The following KPNA7 variants were observed in gnomAD, a reference collection of about 807,000 sequenced individuals.
KPNA7 encodes the protein karyopherin subunit alpha 7.
Under a neutral mutation model 53.7 loss-of-function variants are expected in KPNA7, and 54 were observed. That is an observed-to-expected ratio of 1.01 (90% CI 0.81 to 1.26). The LOEUF (loss-of-function observed/expected upper bound fraction) is 1.26. KPNA7 is among the 50% of genes most tolerant of loss of function. The pLI, the probability that KPNA7 is intolerant of heterozygous loss-of-function variation, is 0.00. For synonymous variants in KPNA7, 276 were observed against 259.3 expected (o/e 1.06, Z -0.62); for missense variants, 640 against 644.5 (o/e 0.99, Z 0.07).
the KPNA7 span, among the ~76,000 whole-genome samples, chr7:99,167,094 C>T: frequency 1.8e-4 from 28 of 152,334 alleles, no homozygotes; most frequent in Non-Finnish European, 3.2e-4. Flanking sequence ...CCTGATATGA[C>T]GCTCTCCAAC....
the KPNA7 span, among the ~76,000 whole-genome samples, chr7:99,160,930 G>A: frequency 6.7e-6 from 1 of 148,302 alleles, no homozygotes. Flanking sequence ...GCAGTCACAT[G>A]ATGTCAGCTC....
intron 7 of KPNA7, among the ~76,000 whole-genome samples, chr7:99,185,368 G>GA (rs1789527689): frequency 6.6e-6 from 1 of 152,110 alleles, no homozygotes; most frequent in Non-Finnish European, 1.5e-5. Context: ...TTTATAAAGA[G>GA]ACAGGGTCTT....
chr7:99,153,378 C>T, the KPNA7 span, among the ~76,000 whole-genome samples: 1 of 151,784 alleles, frequency 6.6e-6, no homozygotes, highest in Non-Finnish European at 1.5e-5. Context: ...GCCAACATGG[C>T]GAAACCCCAT....
At chr7:99,169,484 G>A (rs113283255), downstream of KPNA7, among the ~76,000 whole-genome samples, 2,010 of 151,936 alleles carry the variant, frequency 0.013, 52 homozygotes, top group African/African-American at 0.047. Context: ...GCCAGGCATG[G>A]TGGGGCACGC....
intron 2 of KPNA7, among the ~76,000 whole-genome samples, chr7:99,205,919 G>A (rs1017226793): frequency 3.3e-5 from 5 of 152,122 alleles, no homozygotes; most frequent in African/African-American, 1.2e-4. Flanking sequence ...AAGAAGCCGA[G>A]TGAATGTTAG....
intron 1 of KPNA7, among the ~76,000 whole-genome samples, chr7:99,218,259 C>T (rs894115268): frequency 2.0e-5 from 3 of 152,150 alleles, no homozygotes; most frequent in African/African-American, 7.2e-5. Context: ...GTAGCTAGGA[C>T]TACAGGTGCA....
intron 10 of KPNA7, among the ~76,000 whole-genome samples, chr7:99,175,678 C>T (rs1402074244): frequency 6.6e-6 from 1 of 151,716 alleles, no homozygotes; most frequent in Non-Finnish European, 1.5e-5. Context: ...CCACACCCAA[C>T]TAATTTTGTA....
chr7:99,188,950 G>A (rs975691093), intron 6 of KPNA7, among the ~76,000 whole-genome samples: 3 of 152,156 alleles, frequency 2.0e-5, no homozygotes, highest in Non-Finnish European at 4.4e-5. Context: ...CCAACGTGCT[G>A]GGATTACAGG....
chr7:99,209,039 C>G (rs1049387984), upstream of KPNA7, among the ~76,000 whole-genome samples: 1 of 152,076 alleles, frequency 6.6e-6, no homozygotes, highest in African/African-American at 2.4e-5. Context: ...ATAATTCCAG[C>G]TATTTGGGAG....
chr7:99,187,598 G>A (rs1043886757), intron 7 of KPNA7, among the ~76,000 whole-genome samples: 22 of 135,052 alleles, frequency 1.6e-4, no homozygotes, highest in Non-Finnish European at 2.9e-4. Flanking sequence ...CTGTCACCCA[G>A]GCTGGAGAGC....
rs2150724802 is a variant in KPNA7 at position 99,184,946 on chromosome 7, C to G, written c.1117G>C (p.Val373Leu). 5 of 1,552,050 alleles carry G rather than the reference C, an allele frequency of 3.2e-6. No homozygotes were observed. The highest frequency in any genetic ancestry group is 3.5e-6 in the Non-Finnish European group (4 of 1,147,082). Residue 373 changes from valine (V) to leucine (L), a missense_variant, in exon 8 of 11, where the codon GTG becomes CTG. By Grantham distance (32) the Val-to-Leu change is conservative (BLOSUM62 1). Coordinates refer to ENST00000327442, the MANE Select transcript of KPNA7 (RefSeq NM_001145715.3). ...CCACTTACGTTTTTTAGCAGAGCCACCAAGGGAGGCAAGACGTCGTAGGCA... is the reference window on the plus strand; with the variant it reads ...CCACTTACGTTTTTTAGCAGAGCCAGCAAGGGAGGCAAGACGTCGTAGGCA... The part of the protein sequence containing the change: ...LLAYDVLPPL[V>L]ALLKNGEFKV...
intron 8 of KPNA7, among the ~76,000 whole-genome samples, chr7:99,182,526 G>C (rs1268911659): frequency 1.3e-5 from 2 of 151,960 alleles, no homozygotes; most frequent in South Asian, 2.1e-4. Flanking sequence ...GTACAGACAG[G>C]GTTTCACCAT....
intron 1 of KPNA7, among the ~76,000 whole-genome samples, chr7:99,215,433 G>A (rs534712031): frequency 6.8e-6 from 1 of 147,358 alleles, no homozygotes; most frequent in Admixed American, 6.8e-5. Context: ...AATATCACAG[G>A]AAATGGCTTG....
upstream of KPNA7, among the ~76,000 whole-genome samples, chr7:99,212,418 AT>A (rs1051578107): frequency 8.3e-4 from 125 of 149,866 alleles, no homozygotes; most frequent in South Asian, 2.5e-3. Flanking sequence ...TAATTTTTGT[AT>A]TTTTTTTCTT....
At chr7:99,215,307 G>A (rs559224462) in intron 1 of KPNA7, among the ~76,000 whole-genome samples, 1 of 141,862 alleles carries the variant, frequency 7.0e-6, no homozygotes, top group Non-Finnish European at 1.5e-5. Context: ...GGGAGGCAGA[G>A]GTTGCAGTGA....
rs1347295343 is a variant in KPNA7, at chr7:99,178,034, C to A, written c.1350G>T (p.Leu450=). The change falls in exon 10 of 11, where the codon CTG becomes CTT. Residue 450 remains leucine, a synonymous_variant. Transcript: ENST00000327442. The part of the protein sequence containing the change: ...AAEKRSEKEN[L]CLLIEELGGI... ...CACCAAGTTCTTCTATCAGAAGACA[C>A]AGGTTTTCCTTCTCAGACCGTTTCT... is the stretch of plus-strand genomic sequence containing the variant. The A allele has an allele frequency of 2.6e-6, 4 of 1,551,538 alleles. No homozygotes were observed. In the African/African-American group the frequency reaches 4.1e-5, roughly 16 times the overall value.
chr7:99,178,589 A>G (rs1257893882), intron 9 of KPNA7, among the ~76,000 whole-genome samples: 1 of 151,722 alleles, frequency 6.6e-6, no homozygotes, highest in Non-Finnish European at 1.5e-5. Context: ...AATAAAGAAG[A>G]TACACAGGGA....
intron 9 of KPNA7, among the ~76,000 whole-genome samples, chr7:99,180,789 CTGTG>C (rs201261981): frequency 4.1e-5 from 1 of 24,174 alleles, no homozygotes; most frequent in East Asian, 2.6e-3. Flanking sequence ...CTCTCCCCGT[CTGTG>C]TCTCTCTCTC....
chr7:99,180,945 G>A (rs1221731794), intron 9 of KPNA7, among the ~76,000 whole-genome samples: 1 of 10,128 alleles, frequency 9.9e-5, no homozygotes, highest in Non-Finnish European at 2.4e-4. Context: ...CCCCGTCTGT[G>A]TCTCTCTCTC....
Sources: gnomAD v4.1 joint callset for allele counts (sites outside exome capture counted in the v4.1 genomes callset) on GRCh38, gnomAD v4.1.1 for gene constraint, MANE v1.5 for transcripts, NCBI Gene and HGNC (gene_info 2026-07-23, HGNC 2026-07-21) for gene names.